The following ITGB7 variants were observed in gnomAD, a reference collection of about 807,000 sequenced individuals.
The protein encoded by ITGB7 is integrin beta-7.
In ITGB7, 55 loss-of-function variants were observed where a neutral mutation model predicts 83.4. The ratio of observed to expected loss-of-function variants is 0.66; its 90% CI spans 0.53 to 0.83. The LOEUF is 0.83. ITGB7 is among the 40% of genes least tolerant of loss of function. ITGB7 has a pLI of 0.00. For missense variants in ITGB7, 921 were observed against 1,046.7 expected, an observed-to-expected ratio of 0.88 and a Z score of 1.66; for synonymous variants, 454 against 423.6, an observed-to-expected ratio of 1.07 and a Z score of -0.88.
intron 1 of ITGB7, among the ~76,000 whole-genome samples, chr12:53,203,867 T>A (rs1443262574): frequency 6.6e-6 from 1 of 152,086 alleles, no homozygotes; most frequent in African/African-American, 2.4e-5. Context: ...CTCAATAAAT[T>A]GAGCATAGGA....
chr12:53,197,937 C>G lies in ITGB7; in HGVS notation c.216G>C (p.Ser72=). 7 of 1,541,430 alleles carry G rather than the reference C, an allele frequency of 4.5e-6. No individual in the cohort carries two copies. The highest frequency in any genetic ancestry group is 5.2e-6 in the Non-Finnish European group (6 of 1,151,246). The stretch of plus-strand genomic sequence containing the variant: ...CGCAGCGCCGCGCCTCCGCCTCTCC[C>G]GACGCGGTGAAGTTCTGCTCAGCAA... ...AWCKQLNFTA[S]GEAEARRCAR... Residue 72 remains serine (S), a synonymous_variant, in exon 4 of 16, where the codon TCG becomes TCC. Coordinates refer to ENST00000267082, the MANE Select transcript of ITGB7 (RefSeq NM_000889.3).
At chr12:53,206,188 G>GTC (rs1046352517) in intron 1 of ITGB7, among the ~76,000 whole-genome samples, 70 of 152,042 alleles carry the variant, frequency 4.6e-4, no homozygotes, top group Non-Finnish European at 1.0e-4. Context: ...CTGCTTCTCT[G>GTC]TCTCTCTCTG....
chr12:53,200,135 A>AAAT, intron 3 of ITGB7, 108 bp downstream of exon 3: 1 of 980,128 alleles, frequency 1.0e-6, no homozygotes, highest in Non-Finnish European at 1.5e-6. Context: ...TGTTCCCAGA[A>AAAT]AATCATACAT....
At chr12:53,192,608 C>A in intron 13 of ITGB7, 70 bp from the exon 14 acceptor site, 1 of 1,598,886 alleles carries the variant, frequency 6.3e-7, no homozygotes, top group South Asian at 1.1e-5. Flanking sequence ...CAACTACAAG[C>A]AGGACGGAGA....
At chr12:53,205,225 A>C (rs1411599877) in intron 1 of ITGB7, among the ~76,000 whole-genome samples, 1 of 152,036 alleles carries the variant, frequency 6.6e-6, no homozygotes. Context: ...TTGCTCTGTC[A>C]CCCGGCTGTA....
chr12:53,196,059 G>A lies in ITGB7; in HGVS notation c.957C>T (p.Tyr319=), dbSNP rs1440314274. ...GACTCACAAACTCTGTGCTGCGACT[G>A]TAGAGGCCATTGCTGTCCAAGTGGC... is the stretch of plus-strand genomic sequence containing the variant. ...GHCHLDSNGL[Y]SRSTEFDYPS... is the part of the protein sequence containing the mutation. Residue 319 remains tyrosine (Y), a synonymous_variant, in exon 7 of 16, where the codon TAC becomes TAT. Transcript: ENST00000267082. 6.2e-7 allele frequency: 1 copy of A among 1,614,024 alleles called. No individual in the cohort carries two copies. The highest frequency in any genetic ancestry group is 1.3e-5 in the African/African-American group (1 of 74,896).
chr12:53,194,692 C>T, intron 9 of ITGB7: 1 of 216,242 alleles, frequency 4.6e-6, no homozygotes, highest in South Asian at 9.8e-5. Context: ...AGGGCAGATT[C>T]ATTACAGAGT....
chr12:53,204,044 G>T (rs1942379327), intron 1 of ITGB7, among the ~76,000 whole-genome samples: 1 of 152,080 alleles, frequency 6.6e-6, no homozygotes, highest in South Asian at 2.1e-4. Flanking sequence ...ATAAAGAAAA[G>T]GTGGTATATC....
rs191980803 is a variant in ITGB7 at position 53,193,075 on chromosome 12, C to G, written c.1726+65G>C. On this transcript the variant is annotated intron_variant, in intron 12 of 15. Transcript: ENST00000267082. ...TATTTGCCTTCCATGCCAGGAGATT[C>G]CCAGAGCCTAAGTGCCTTGGGAAGG... The G allele has an allele frequency of 3.4e-6, 5 of 1,476,178 alleles. No homozygotes were observed. In the African/African-American group the frequency reaches 6.9e-5, roughly 20 times the overall value. The allele number at this position is 1,476,178 out of a possible 1,614,324, so 91.4% of individuals were successfully genotyped here. A position where few individuals can be genotyped will look rare whatever the true frequency, so the allele number is the denominator to read the frequency against.
rs1942132517 is a variant in ITGB7, at chr12:53,195,629, G to A, written c.1068C>T (p.Tyr356=). 4 of 1,612,950 alleles carry A rather than the reference G, an allele frequency of 2.5e-6. No individual in the cohort carries two copies. The highest frequency in any genetic ancestry group is 3.4e-6 in the Non-Finnish European group (4 of 1,179,034). Residue 356 remains tyrosine, a synonymous_variant, in exon 8 of 16, where the codon TAC becomes TAT. Coordinates refer to ENST00000267082, the MANE Select transcript of ITGB7 (RefSeq NM_000889.3). ...FAVTSAALPV[Y]QELSKLIPKS... ...CTGACATGTAGACAGCTCTCACCTG[G>A]TAGACAGGCAGTGCGGCACTGGTGA...
chr12:53,197,978 G>C (rs1430822853), intron 3 of ITGB7, 27 bp from the exon 4 acceptor site: 3 of 1,522,864 alleles, frequency 2.0e-6, no homozygotes, highest in Non-Finnish European at 2.6e-6. Flanking sequence ...GGCGCGTCGG[G>C]ACCCGGTCCT....
At chr12:53,192,189 C>T in intron 14 of ITGB7, 141 bp downstream of exon 14, 3 of 1,189,350 alleles carry the variant, frequency 2.5e-6, no homozygotes, top group Non-Finnish European at 2.4e-6. Context: ...CGTCCACTTG[C>T]TCAATTGCCT....
chr12:53,196,574 C>T lies in ITGB7; in HGVS notation c.816+5G>A. On this transcript the variant is annotated splice_donor_5th_base_variant and intron_variant, in intron 6 of 15. Transcript: ENST00000267082. ...CAGGCTCAGATCCCCGCCCCACCTC[C>T]TCACCTGGCAGAGTGCAGCCTGCAG... 1 of 1,605,664 alleles carries T rather than the reference C, an allele frequency of 6.2e-7. No homozygotes were observed. The highest frequency in any genetic ancestry group is 8.5e-7 in the Non-Finnish European group (1 of 1,173,248).
intron 1 of ITGB7, chr12:53,206,560 C>A (rs1942447637): frequency 6.6e-6 from 1 of 152,408 alleles, no homozygotes; most frequent in Admixed American, 6.5e-5. Flanking sequence ...TCCCTTCTCT[C>A]TCTGGGACCA....
intron 1 of ITGB7, among the ~76,000 whole-genome samples, chr12:53,201,589 C>T (rs1030763522): frequency 3.9e-5 from 6 of 151,926 alleles, no homozygotes; most frequent in Non-Finnish European, 8.8e-5. Context: ...TTAAAATGAG[C>T]AGGTAATTCA....
intron 1 of ITGB7, among the ~76,000 whole-genome samples, chr12:53,201,726 A>G (rs1258211081): frequency 6.6e-6 from 1 of 152,140 alleles, no homozygotes; most frequent in African/African-American, 2.4e-5. Flanking sequence ...ATAATCTTGT[A>G]AAAAAGATAC....
intron 1 of ITGB7, among the ~76,000 whole-genome samples, chr12:53,203,951 C>T (rs1273413553): frequency 1.3e-5 from 2 of 152,084 alleles, no homozygotes; most frequent in Admixed American, 6.6e-5. Context: ...CAAACAAAAA[C>T]TGGTACAGAA....
chr12:53,191,993 C>T lies in ITGB7; in HGVS notation c.2182G>A (p.Val728Met). Residue 728 changes from valine to methionine, a missense_variant, in exon 15 of 16, where the codon GTG (valine) becomes ATG (methionine). Transcript: ENST00000267082. Reference sequence around the variant, plus strand: ...ACGATGCCCCCTACGCAGCCCAGCACAATGGCCTGCGTGTGGTCTGCTCCC... The same window carrying T: ...ACGATGCCCCCTACGCAGCCCAGCATAATGGCCTGCGTGTGGTCTGCTCCC... ...EKGADHTQAI[V>M]LGCVGGIVAV... The T allele has an allele frequency of 1.9e-6, 3 of 1,613,098 alleles. No homozygotes were observed. The highest frequency in any genetic ancestry group is 2.5e-6 in the Non-Finnish European group (3 of 1,179,946).
At chr12:53,197,407 C>A in intron 5 of ITGB7, 86 bp downstream of exon 5, 2 of 1,508,766 alleles carry the variant, frequency 1.3e-6, no homozygotes, top group Non-Finnish European at 1.8e-6. Flanking sequence ...AAGTTGGGGC[C>A]CTTGTGAGTC....
Sources: gnomAD v4.1 joint callset for allele counts (sites outside exome capture counted in the v4.1 genomes callset) on GRCh38, gnomAD v4.1.1 for gene constraint, MANE v1.5 for transcripts, NCBI Gene and HGNC (gene_info 2026-07-23, HGNC 2026-07-21) for gene names.